The following GPHN variants were observed in gnomAD, a reference collection of about 807,000 sequenced individuals.
The protein encoded by GPHN is gephyrin.
GPHN carries 17 observed loss-of-function variants against 95.5 expected under a neutral mutation model. The observed-to-expected ratio is 0.18, with a 90% CI of 0.12 to 0.27. The LOEUF (loss-of-function observed/expected upper bound fraction) is 0.27, where lower values mean the gene tolerates loss of function less well. GPHN is among the 10% of genes least tolerant of loss of function. The pLI is 1.00. For missense variants in GPHN, 660 were observed against 978.1 expected (o/e 0.67, Z 4.34); for synonymous variants, 320 against 322.5 (o/e 0.99, Z 0.08).
At chr14:67,265,315 C>A in the GPHN span, among the ~76,000 whole-genome samples, 225 of 152,098 alleles carry the variant, frequency 1.5e-3, 2 homozygotes, top group Non-Finnish European at 1.5e-3. Flanking sequence ...CTCAGAGATT[C>A]GGGAGGCTGA....
the GPHN span, among the ~76,000 whole-genome samples, chr14:67,710,874 C>A: frequency 6.6e-6 from 1 of 151,716 alleles, no homozygotes; most frequent in Non-Finnish European, 1.5e-5. Flanking sequence ...TTACATTTAC[C>A]TAATTATTTT....
At chr14:67,693,724 C>T in the GPHN span, among the ~76,000 whole-genome samples, 1 of 150,392 alleles carries the variant, frequency 6.6e-6, no homozygotes, top group East Asian at 2.0e-4. Flanking sequence ...TCTCGGCTCA[C>T]TGCAACCTCC....
intron 9 of GPHN, among the ~76,000 whole-genome samples, chr14:67,003,285 G>A (rs1397537278): frequency 6.6e-6 from 1 of 151,636 alleles, no homozygotes; most frequent in Non-Finnish European, 1.5e-5. Context: ...CTCACAAAAA[G>A]TAACTTTATA....
chr14:66,831,877 T>C (rs1306207414), intron 4 of GPHN, among the ~76,000 whole-genome samples: 1 of 152,214 alleles, frequency 6.6e-6, no homozygotes, highest in Non-Finnish European at 1.5e-5. Context: ...CCAGGTGTGG[T>C]GGCTCATGCC....
chr14:66,922,008 A>G (rs1252577719), intron 6 of GPHN, among the ~76,000 whole-genome samples: 3 of 152,158 alleles, frequency 2.0e-5, no homozygotes, highest in Admixed American at 1.3e-4. Flanking sequence ...GGCTAGCCCT[A>G]TGTAGGAGAA....
intron 2 of GPHN, among the ~76,000 whole-genome samples, chr14:66,704,358 A>G (rs1324471072): frequency 6.6e-6 from 1 of 152,194 alleles, no homozygotes; most frequent in African/African-American, 2.4e-5. Flanking sequence ...TCAACAGAAT[A>G]TACGTTCATC....
At chr14:67,204,743 G>C in the GPHN span, 1 of 1,613,912 alleles carries the variant, frequency 6.2e-7, no homozygotes, top group Non-Finnish European at 8.5e-7. Context: ...GAGGTTTCAA[G>C]TCTCTCAGGA....
At chr14:66,780,054 A>T (rs2059549479) in intron 3 of GPHN, among the ~76,000 whole-genome samples, 1 of 152,192 alleles carries the variant, frequency 6.6e-6, no homozygotes, top group Non-Finnish European at 1.5e-5. Context: ...AATCAGCAAT[A>T]CTTGATAACT....
chr14:67,453,174 C>T, the GPHN span, among the ~76,000 whole-genome samples: 2 of 152,154 alleles, frequency 1.3e-5, no homozygotes, highest in East Asian at 1.9e-4. Flanking sequence ...ATGAAAGTAA[C>T]CAAATAGTAT....
chr14:66,947,483 A>G (rs1364095937), intron 8 of GPHN, among the ~76,000 whole-genome samples: 1 of 152,200 alleles, frequency 6.6e-6, no homozygotes, highest in Non-Finnish European at 1.5e-5. Context: ...TTTTATTCAT[A>G]TGGTCTATCC....
intron 8 of GPHN, among the ~76,000 whole-genome samples, chr14:66,940,357 T>TTTC (rs2067356162): frequency 2.6e-5 from 4 of 152,034 alleles, no homozygotes; most frequent in Non-Finnish European, 5.9e-5. Context: ...GGAGCAGGTG[T>TTTC]CCCTGGTTCC....
At chr14:66,745,713 T>A (rs1389107300) in intron 2 of GPHN, among the ~76,000 whole-genome samples, 3 of 152,028 alleles carry the variant, frequency 2.0e-5, no homozygotes, top group Non-Finnish European at 4.4e-5. Flanking sequence ...TTGATTATAT[T>A]AATTAAAGTA....
chr14:66,972,772 T>C (rs2069902053), intron 9 of GPHN, among the ~76,000 whole-genome samples: 1 of 152,116 alleles, frequency 6.6e-6, no homozygotes, highest in African/African-American at 2.4e-5. Context: ...ATATAGTAAA[T>C]ATTAAATTTA....
chr14:67,394,230 A>G, the GPHN span, among the ~76,000 whole-genome samples: 1 of 152,076 alleles, frequency 6.6e-6, no homozygotes, highest in African/African-American at 2.4e-5. Flanking sequence ...GTGACTTTTA[A>G]CTTACAAACA....
At chr14:67,368,648 A>G in the GPHN span, among the ~76,000 whole-genome samples, 1 of 148,498 alleles carries the variant, frequency 6.7e-6, no homozygotes, top group Admixed American at 6.7e-5. Context: ...AAATAGATCT[A>G]TATGATTCTT....
chr14:66,515,237 C>T (rs756451283), intron 1 of GPHN, among the ~76,000 whole-genome samples: 15 of 152,144 alleles, frequency 9.9e-5, no homozygotes, highest in Non-Finnish European at 1.6e-4. Context: ...GCCCTTTTGT[C>T]ATAGCATCTG....
At chr14:66,571,986 A>C (rs984866611) in intron 1 of GPHN, among the ~76,000 whole-genome samples, 2 of 152,170 alleles carry the variant, frequency 1.3e-5, no homozygotes, top group Non-Finnish European at 2.9e-5. Context: ...ATTCTACTGC[A>C]TGTGGATTTT....
the GPHN span, among the ~76,000 whole-genome samples, chr14:67,282,348 A>G: frequency 6.6e-6 from 1 of 152,134 alleles, no homozygotes; most frequent in Non-Finnish European, 1.5e-5. Flanking sequence ...AGAAACAGCA[A>G]CCTTATTTTA....
the GPHN span, chr14:67,561,912 G>A: frequency 3.4e-5 from 45 of 1,327,798 alleles, no homozygotes; most frequent in South Asian, 5.9e-5. Context: ...ATCTAAACCT[G>A]TAGGCTGGGT....
Sources: gnomAD v4.1 joint callset for allele counts (sites outside exome capture counted in the v4.1 genomes callset) on GRCh38, gnomAD v4.1.1 for gene constraint, MANE v1.5 for transcripts, NCBI Gene and HGNC (gene_info 2026-07-23, HGNC 2026-07-21) for gene names.